Variants in SPATA22 observed in about 807,000 individuals in gnomAD.
SPATA22 encodes the protein spermatogenesis associated 22.
SPATA22 carries 29 observed loss-of-function variants against 47.8 expected under a neutral mutation model. The ratio of observed to expected loss-of-function variants is 0.61; its 90% CI spans 0.45 to 0.83. The LOEUF (loss-of-function observed/expected upper bound fraction) is 0.83. Ranked by LOEUF, SPATA22 falls within the 40% of genes least tolerant of loss-of-function variation. SPATA22 has a pLI of 0.00. For missense variants in SPATA22, 410 were observed against 421.7 expected (o/e 0.97, Z 0.24); for synonymous variants, 133 against 140.9 (o/e 0.94, Z 0.40).
chr17:3,455,326 T>C (rs2072961850), intron 5 of SPATA22, among the ~76,000 whole-genome samples: 1 of 152,060 alleles, frequency 6.6e-6, no homozygotes, highest in Admixed American at 6.5e-5. Flanking sequence ...GATTTTGTCT[T>C]TTGTTGCCAT....
intron 5 of SPATA22, among the ~76,000 whole-genome samples, chr17:3,450,936 G>A (rs939242737): frequency 6.6e-6 from 1 of 152,184 alleles, no homozygotes; most frequent in Non-Finnish European, 1.5e-5. Context: ...GGGTTACTAC[G>A]AAACTTTGAC....
At chr17:3,507,177 T>C (rs1290615491) in intron 1 of SPATA22, among the ~76,000 whole-genome samples, 1 of 152,142 alleles carries the variant, frequency 6.6e-6, no homozygotes, top group Non-Finnish European at 1.5e-5. Context: ...GATATGGAAA[T>C]GGTGGGGTCA....
intron 5 of SPATA22, among the ~76,000 whole-genome samples, chr17:3,454,525 C>T (rs546699862): frequency 1.3e-5 from 2 of 151,978 alleles, no homozygotes; most frequent in Non-Finnish European, 2.9e-5. Context: ...GTTCAATTCC[C>T]ATCTATGAGT....
chr17:3,446,368 A>T, intron 7 of SPATA22, 104 bp downstream of exon 7: 1 of 1,133,924 alleles, frequency 8.8e-7, no homozygotes, highest in Admixed American at 3.0e-5. Context: ...TTTAGGGAGT[A>T]GCAAAAAGCA....
At chr17:3,484,127 C>T (rs1189354801) in intron 1 of SPATA22, among the ~76,000 whole-genome samples, 3 of 152,174 alleles carry the variant, frequency 2.0e-5, no homozygotes, top group African/African-American at 2.4e-5. Flanking sequence ...TAATGCTTGG[C>T]CCTTCTATTT....
intron 1 of SPATA22, chr17:3,512,305 C>T (rs1259528706): frequency 1.6e-5 from 2 of 122,206 alleles, no homozygotes; most frequent in African/African-American, 6.0e-5. Context: ...AGGGCAGGGG[C>T]TGCTGTGGAT....
At chr17:3,477,626 G>C (rs1367724979) in intron 1 of SPATA22, among the ~76,000 whole-genome samples, 1 of 151,908 alleles carries the variant, frequency 6.6e-6, no homozygotes, top group Non-Finnish European at 1.5e-5. Flanking sequence ...GTAATTTTTT[G>C]TATTTTTAGT....
At chr17:3,465,420 T>C (rs1352330422) in intron 3 of SPATA22, among the ~76,000 whole-genome samples, 2 of 151,914 alleles carry the variant, frequency 1.3e-5, no homozygotes, top group African/African-American at 4.8e-5. Flanking sequence ...GACTTTTCAT[T>C]TTGTTCTGTA....
intron 3 of SPATA22, among the ~76,000 whole-genome samples, chr17:3,465,338 C>T (rs550922744): frequency 2.0e-5 from 3 of 151,016 alleles, no homozygotes; most frequent in East Asian, 2.0e-4. Context: ...GAATAGAAAG[C>T]GGGGAAAGGT....
At chr17:3,444,177 A>G (rs150714927) in intron 7 of SPATA22, among the ~76,000 whole-genome samples, 1 of 152,188 alleles carries the variant, frequency 6.6e-6, no homozygotes, top group East Asian at 1.9e-4. Flanking sequence ...GAGTACTGGT[A>G]GTGGGCATTT....
intron 1 of SPATA22, among the ~76,000 whole-genome samples, chr17:3,509,032 C>T (rs1265792940): frequency 6.6e-6 from 1 of 151,550 alleles, no homozygotes; most frequent in Non-Finnish European, 1.5e-5. Context: ...GTAAGAACAT[C>T]AGCTCTTTCC....
intron 1 of SPATA22, among the ~76,000 whole-genome samples, chr17:3,498,279 AG>A (rs1268247084): frequency 6.6e-6 from 1 of 152,188 alleles, no homozygotes. Flanking sequence ...ACATGCATTT[AG>A]TTTTGCCTTT....
At chr17:3,483,525 C>A (rs141755746) in intron 1 of SPATA22, 3 of 1,614,086 alleles carry the variant, frequency 1.9e-6, no homozygotes, top group Non-Finnish European at 2.5e-6. Context: ...TACCCTGCTA[C>A]GTTTATCTGA....
intron 2 of SPATA22, among the ~76,000 whole-genome samples, chr17:3,468,580 C>T (rs2073361869): frequency 6.6e-6 from 1 of 152,148 alleles, no homozygotes; most frequent in Non-Finnish European, 1.5e-5. Flanking sequence ...TTTCCCTAAA[C>T]TCTTTGTGCC....
intron 1 of SPATA22, chr17:3,503,213 A>G (rs1024923943): frequency 2.6e-5 from 4 of 152,150 alleles, no homozygotes; most frequent in African/African-American, 7.2e-5. Context: ...GAATGAATGA[A>G]TGAATGAATG....
chr17:3,462,866 A>G, intron 3 of SPATA22, 99 bp from the exon 4 acceptor site: 1 of 995,922 alleles, frequency 1.0e-6, no homozygotes, highest in South Asian at 1.4e-5. Context: ...AAAAACTTGA[A>G]GAAGAAAAAA....
chr17:3,448,784 T>C, intron 6 of SPATA22, 23 bp downstream of exon 6: 1 of 1,513,410 alleles, frequency 6.6e-7, no homozygotes, highest in Non-Finnish European at 9.0e-7. Flanking sequence ...AAATAAGTCA[T>C]TAATTTGTAT....
intron 5 of SPATA22, among the ~76,000 whole-genome samples, chr17:3,457,849 G>C (rs2073032412): frequency 6.6e-6 from 1 of 152,118 alleles, no homozygotes; most frequent in Non-Finnish European, 1.5e-5. Flanking sequence ...TTAAATGTAA[G>C]AACTGAAACC....
chr17:3,482,259 A>G (rs1196942987), intron 1 of SPATA22, among the ~76,000 whole-genome samples: 1 of 152,246 alleles, frequency 6.6e-6, no homozygotes, highest in Non-Finnish European at 1.5e-5. Context: ...AACGTAGACT[A>G]AAGCCCAGTG....
Sources: gnomAD v4.1 joint callset for allele counts (sites outside exome capture counted in the v4.1 genomes callset) on GRCh38, gnomAD v4.1.1 for gene constraint, MANE v1.5 for transcripts, NCBI Gene and HGNC (gene_info 2026-07-23, HGNC 2026-07-21) for gene names.